NRXN1: variants seen among roughly 807,000 people sequenced by gnomAD.
NRXN1 encodes the protein neurexin-1.
In NRXN1, 39 loss-of-function variants were observed where a neutral mutation model predicts 150.9. The observed-to-expected ratio is 0.26, with a 90% CI of 0.20 to 0.34. The LOEUF (loss-of-function observed/expected upper bound fraction) is 0.34. NRXN1 is among the 10% of genes least tolerant of loss of function. The pLI, the probability that NRXN1 is intolerant of heterozygous loss-of-function variation, is 1.00. For missense variants in NRXN1, 1,815 were observed against 1,949.9 expected (o/e 0.93, Z 1.30); for synonymous variants, 924 against 757.0 (o/e 1.22, Z -3.62).
At chr2:50,075,891 T>C (rs1697020738) in intron 19 of NRXN1, among the ~76,000 whole-genome samples, 1 of 152,020 alleles carries the variant, frequency 6.6e-6, no homozygotes, top group African/African-American at 2.4e-5. Flanking sequence ...CCTCGACTCA[T>C]CCCCTCCGCT....
At chr2:50,128,876 A>C (rs1705022636) in intron 18 of NRXN1, among the ~76,000 whole-genome samples, 1 of 151,680 alleles carries the variant, frequency 6.6e-6, no homozygotes, top group Non-Finnish European at 1.5e-5. Flanking sequence ...CCAGCTACTC[A>C]GAGGGCCAAG....
intron 21 of NRXN1, among the ~76,000 whole-genome samples, chr2:50,005,690 T>C (rs933106715): frequency 1.3e-5 from 2 of 152,180 alleles, no homozygotes; most frequent in South Asian, 2.1e-4. Context: ...ACCTCTTTTA[T>C]AGAGTTTTTA....
chr2:50,063,282 AT>A (rs1006225815), intron 19 of NRXN1, among the ~76,000 whole-genome samples: 1 of 152,192 alleles, frequency 6.6e-6, no homozygotes, highest in Non-Finnish European at 1.5e-5. Flanking sequence ...CTTTTGAAAA[AT>A]ATAGCTATTC....
In NRXN1 at chr2:50,127,099, C is replaced by G. The variant is rs1380141807; in HGVS notation, c.3547-35605G>C. ...TTAGCAGTAAATATAAATTTAATAGCTTTGCTTTGCAGTTCCCCAGTCACT... is the reference window on the plus strand; with the variant it reads ...TTAGCAGTAAATATAAATTTAATAGGTTTGCTTTGCAGTTCCCCAGTCACT... On this transcript the variant is annotated intron_variant, in intron 18 of 22. Transcript: ENST00000401669. 3.3e-5 allele frequency among the ~76,000 whole-genome samples: 5 copies of G among 152,110 alleles called. 1 individual carries two copies. In the South Asian group the frequency reaches 8.3e-4, roughly 25 times the overall value.
At chr2:50,841,710 T>C (rs945631590) in intron 5 of NRXN1, among the ~76,000 whole-genome samples, 11 of 152,196 alleles carry the variant, frequency 7.2e-5, no homozygotes, top group African/African-American at 2.7e-4. Flanking sequence ...CTGTTATGTC[T>C]TTGGGAAAAA....
At chr2:49,938,041 T>C (rs895255250) in intron 22 of NRXN1, among the ~76,000 whole-genome samples, 4 of 152,176 alleles carry the variant, frequency 2.6e-5, no homozygotes, top group Admixed American at 2.6e-4. Flanking sequence ...TGCATGGTAA[T>C]TGCAACAAAT....
chr2:50,089,585 A>C (rs1699268768), intron 19 of NRXN1, among the ~76,000 whole-genome samples: 1 of 152,112 alleles, frequency 6.6e-6, no homozygotes, highest in South Asian at 2.1e-4. Context: ...TCAGGTGTTC[A>C]AGACCAGCCT....
At chr2:50,205,457 G>A (rs374773728) in intron 18 of NRXN1, among the ~76,000 whole-genome samples, 5 of 151,860 alleles carry the variant, frequency 3.3e-5, no homozygotes, top group Non-Finnish European at 5.9e-5. Flanking sequence ...ATATTTTCAC[G>A]GTATTCTTCA....
chr2:50,073,217 T>G (rs1696566528), intron 19 of NRXN1, among the ~76,000 whole-genome samples: 1 of 152,160 alleles, frequency 6.6e-6, no homozygotes, highest in Admixed American at 6.5e-5. Flanking sequence ...CTTTAGACTA[T>G]TCCCTGCACT....
intron 8 of NRXN1, among the ~76,000 whole-genome samples, chr2:50,565,726 G>GCCTACTT (rs2105423399): frequency 6.6e-6 from 1 of 152,162 alleles, no homozygotes; most frequent in Admixed American, 6.5e-5. Context: ...AATAGTACCA[G>GCCTACTT]CCTACTTATC....
chr2:49,978,643 C>A (rs1679423056), intron 21 of NRXN1, among the ~76,000 whole-genome samples: 1 of 141,294 alleles, frequency 7.1e-6, no homozygotes, highest in Non-Finnish European at 1.5e-5. Flanking sequence ...AGAAATCTCA[C>A]AGAAAAACAG....
intron 21 of NRXN1, among the ~76,000 whole-genome samples, chr2:49,984,146 A>C (rs1235083462): frequency 6.6e-6 from 1 of 152,172 alleles, no homozygotes; most frequent in African/African-American, 2.4e-5. Context: ...CAGTGCGGTC[A>C]ATAGAGTGAG....
At chr2:50,483,209 T>G (rs762503215) in intron 15 of NRXN1, among the ~76,000 whole-genome samples, 1 of 152,062 alleles carries the variant, frequency 6.6e-6, no homozygotes, top group Non-Finnish European at 1.5e-5. Flanking sequence ...ACAAATGCCA[T>G]GTCAACGTCA....
At chr2:50,610,772 G>GTATATAT (rs1553880403) in intron 8 of NRXN1, among the ~76,000 whole-genome samples, 2 of 131,422 alleles carry the variant, frequency 1.5e-5, no homozygotes, top group Non-Finnish European at 3.2e-5. Context: ...ATATATATAT[G>GTATATAT]TATATATATA....
intron 5 of NRXN1, among the ~76,000 whole-genome samples, chr2:50,764,904 A>C (rs900742445): frequency 1.3e-5 from 2 of 152,052 alleles, no homozygotes; most frequent in Admixed American, 1.3e-4. Flanking sequence ...CACATCTGTA[A>C]TAGTTCCTGC....
intron 5 of NRXN1, chr2:50,917,448 G>A (rs1685372169): frequency 6.6e-6 from 1 of 151,636 alleles, no homozygotes; most frequent in Non-Finnish European, 1.5e-5. Flanking sequence ...TAGCAACACA[G>A]GACTTGAAAA....
chr2:50,163,091 CAT>C (rs975937801), intron 18 of NRXN1, among the ~76,000 whole-genome samples: 3 of 146,624 alleles, frequency 2.0e-5, no homozygotes, highest in Admixed American at 7.0e-5. Context: ...GAAAATTAGA[CAT>C]GTTTACCTTA....
intron 8 of NRXN1, among the ~76,000 whole-genome samples, chr2:50,571,293 T>C (rs1406643753): frequency 6.6e-6 from 1 of 152,138 alleles, no homozygotes; most frequent in African/African-American, 2.4e-5. Context: ...GAACAACAGG[T>C]TTGCACAGGA....
intron 15 of NRXN1, among the ~76,000 whole-genome samples, chr2:50,478,902 G>T (rs977068052): frequency 5.9e-5 from 9 of 152,070 alleles, no homozygotes; most frequent in Admixed American, 6.6e-5. Context: ...GACATTTGTT[G>T]TTTCGTTTTC....
Sources: gnomAD v4.1 joint callset for allele counts (sites outside exome capture counted in the v4.1 genomes callset) on GRCh38, gnomAD v4.1.1 for gene constraint, MANE v1.5 for transcripts, NCBI Gene and HGNC (gene_info 2026-07-23, HGNC 2026-07-21) for gene names.